LTBR: variants seen among roughly 807,000 people sequenced by gnomAD.
LTBR encodes the protein tumor necrosis factor receptor superfamily member 3.
LTBR carries 15 observed loss-of-function variants against 45.4 expected under a neutral mutation model. The ratio of observed to expected loss-of-function variants is 0.33; its 90% CI spans 0.22 to 0.51. The LOEUF is 0.51. Ranked by LOEUF, LTBR falls within the 20% of genes least tolerant of loss-of-function variation. The probability of loss-of-function intolerance (pLI) is 0.97; values close to 1 mark genes in which losing one functional copy is unlikely to be tolerated. For missense variants in LTBR, 450 were observed against 565.5 expected (o/e 0.80, Z 2.07); for synonymous variants, 228 against 231.0 (o/e 0.99, Z 0.12).
At chr12:6,377,385 T>A in intron 1 of LTBR, 1 of 896,018 alleles carries the variant, frequency 1.1e-6, no homozygotes, top group Non-Finnish European at 1.7e-6. Context: ...AGCAGAGCTA[T>A]AAACAGAATT....
At chr12:6,380,794 C>A (rs1007834483), upstream of LTBR, among the ~76,000 whole-genome samples, 8 of 152,168 alleles carry the variant, frequency 5.3e-5, no homozygotes, top group African/African-American at 1.7e-4. Flanking sequence ...CTCAGCAGCT[C>A]CTTCGGAAGA....
In LTBR at chr12:6,388,483, C is replaced by T; in HGVS notation, c.753C>T (p.His251=). The change falls in exon 7 of 10, where the codon CAC becomes CAT. Residue 251 remains histidine (H), a synonymous_variant. Transcript: ENST00000228918. The surrounding 1 kb of genome is among the most constrained non-coding windows in gnomAD (Gnocchi z 4.3). The part of the protein sequence containing the change: ...ATVFSCIWKS[H]PSLCRKLGSL... ...TCTTCTCCTGCATCTGGAAGAGCCA[C>T]CCTTCTCTCTGCAGGAAACTGGGTA... 6.2e-7 allele frequency: 1 copy of T among 1,614,076 alleles called. No individual in the cohort carries two copies. Among genetic ancestry groups the T allele is most frequent in the Non-Finnish European group, 8.5e-7 (1 of 1,180,002 alleles).
Position 6,388,011 on chromosome 12 carries a change from T to C in LTBR, c.668-387T>C. Reference sequence around the variant, plus strand: ...GCTCTAGCCTGTGTCTGTTTACAACTCCAAGTCCCACCCTTCCCTACTGTC... The same window carrying C: ...GCTCTAGCCTGTGTCTGTTTACAACCCCAAGTCCCACCCTTCCCTACTGTC... On this transcript the variant is annotated intron_variant, in intron 6 of 9. Transcript: ENST00000228918. The surrounding 1 kb of genome is among the most constrained non-coding windows in gnomAD (Gnocchi z 4.3). 2.8e-6 allele frequency: 1 copy of C among 356,680 alleles called. No homozygotes were observed. Among genetic ancestry groups the C allele is most frequent in the East Asian group, 7.5e-5 (1 of 13,302 alleles). 22.1% of individuals were successfully genotyped at this position (356,680 alleles called of 1,614,324 possible). A position where few individuals can be genotyped will look rare whatever the true frequency, so the allele number is the denominator to read the frequency against.
At chr12:6,376,169 C>T in intron 1 of LTBR, 3 of 985,854 alleles carry the variant, frequency 3.0e-6, no homozygotes, top group Non-Finnish European at 3.6e-6. Flanking sequence ...GGTCTCCTCC[C>T]CGCTCACTAA....
At chr12:6,384,981 G>C (rs751825363) in intron 2 of LTBR, 41 bp from the exon 3 acceptor site, 1 of 1,612,928 alleles carries the variant, frequency 6.2e-7, no homozygotes, top group Non-Finnish European at 8.5e-7. Flanking sequence ...TGAGGGTGGA[G>C]CCTCGTCTCC....
In LTBR at chr12:6,390,990, G is replaced by A. The variant is rs1949107730; in HGVS notation, c.*53G>A. On this transcript the variant is annotated 3_prime_UTR_variant, in exon 10 of 10. Coordinates refer to ENST00000228918, the MANE Select transcript of LTBR (RefSeq NM_002342.3). ...GGGGCACAAGGGCACCTTCTCCCTT[G>A]AGGCTGCCCTGCCCACGTGGGATTC... 4 of 1,483,372 alleles carry A rather than the reference G, an allele frequency of 2.7e-6. No individual in the cohort carries two copies. The highest frequency in any genetic ancestry group is 3.6e-6 in the Non-Finnish European group (4 of 1,116,760). 91.9% of individuals were successfully genotyped at this position (1,483,372 alleles called of 1,614,324 possible).
intron 8 of LTBR, chr12:6,389,132 G>A (rs1425411081): frequency 9.3e-6 from 3 of 324,068 alleles, no homozygotes; most frequent in African/African-American, 2.1e-5. Flanking sequence ...GGCAAAGGAT[G>A]GGGGTATTTT....
chr12:6,375,536 C>T lies in LTBR; in HGVS notation c.-20C>T, dbSNP rs770758109. The T allele has an allele frequency of 4.8e-5, 73 of 1,535,228 alleles. No individual in the cohort carries two copies. The African/African-American group carries it at 5.6e-4, about 12-fold the overall frequency. The stretch of plus-strand genomic sequence containing the variant: ...GGTGCAGCGGCCTGGCTGGGGAGCC[C>T]GCCCGCTGGCCGGCCAGGGATGGAA... On this transcript the variant is annotated 5_prime_UTR_variant, in exon 1 of 10. Coordinates refer to the LTBR transcript ENST00000539925.
upstream of LTBR, among the ~76,000 whole-genome samples, chr12:6,381,396 A>G (rs972353785): frequency 1.3e-5 from 2 of 152,220 alleles, no homozygotes; most frequent in Non-Finnish European, 2.9e-5. Context: ...CACTCCTCCC[A>G]TCCCACCTCC....
upstream of LTBR, among the ~76,000 whole-genome samples, chr12:6,382,115 C>G (rs1388987841): frequency 6.6e-6 from 1 of 151,934 alleles, no homozygotes; most frequent in Non-Finnish European, 1.5e-5. Flanking sequence ...TATGTTACAC[C>G]TCTATTAAAA....
At position 6,385,105 on chromosome 12, in the gene LTBR, A is replaced by C; in HGVS notation, c.277A>C (p.Asn93His). The change falls in exon 3 of 10, where the codon AAC (asparagine) becomes CAC (histidine). Residue 93 changes from asparagine to histidine, a missense_variant. Physicochemically the swap from Asn to His is moderately conservative, Grantham distance 68. Around this residue, in one of 3 missense-constraint regions of LTBR, gnomAD observed 367 missense variants for 435.4 expected, o/e 0.84. Coordinates refer to ENST00000228918, the MANE Select transcript of LTBR (RefSeq NM_002342.3). ...CGAGAATTCCTACAACGAGCACTGG[A>C]ACTACCTGACCATCTGCCAGCTGTG... ...CAENSYNEHW[N>H]YLTICQLCRP... 6.2e-7 allele frequency: 1 copy of C among 1,614,212 alleles called. No homozygotes were observed. The highest frequency in any genetic ancestry group is 8.5e-7 in the Non-Finnish European group (1 of 1,180,040).
upstream of LTBR, among the ~76,000 whole-genome samples, chr12:6,380,096 TGCA>T (rs562065705): frequency 1.3e-3 from 193 of 152,330 alleles, 1 homozygote; most frequent in African/African-American, 4.5e-3. Context: ...TACAATCCTG[TGCA>T]GGATGTTCAG....
At chr12:6,390,607 C>G (rs1050622599) in intron 9 of LTBR, 53 bp from the exon 10 acceptor site, 1 of 1,480,388 alleles carries the variant, frequency 6.8e-7, no homozygotes, top group Non-Finnish European at 9.0e-7. Context: ...CAAGAAGCAG[C>G]GGGCCTGAAC....
In LTBR at chr12:6,385,046, G is replaced by A; in HGVS notation, c.218G>A (p.Ser73Asn). The part of the protein sequence containing the change: ...PPGTYVSAKC[S>N]RIRDTVCATC... Reference sequence around the variant, plus strand: ...GGCACCTATGTCTCAGCTAAATGTAGCCGCATCCGGGACACAGTTTGTGCC... The same window carrying A: ...GGCACCTATGTCTCAGCTAAATGTAACCGCATCCGGGACACAGTTTGTGCC... Residue 73 changes from serine (S) to asparagine (N), a missense_variant, in exon 3 of 10, where the codon AGC becomes AAC. Ser to Asn is a conservative substitution (Grantham distance 46). Transcript: ENST00000228918. 6.2e-7 allele frequency: 1 copy of A among 1,614,206 alleles called. No homozygotes were observed. The highest frequency in any genetic ancestry group is 8.5e-7 in the Non-Finnish European group (1 of 1,180,036).
chr12:6,378,913 T>G (rs1351031273), intron 1 of LTBR, among the ~76,000 whole-genome samples: 2 of 151,648 alleles, frequency 1.3e-5, no homozygotes, highest in African/African-American at 4.8e-5. Context: ...CCCTGTGGTG[T>G]GGCCATAAAA....
At chr12:6,377,658 G>A in intron 1 of LTBR, 1 of 1,305,186 alleles carries the variant, frequency 7.7e-7, no homozygotes, top group Non-Finnish European at 1.0e-6. Flanking sequence ...CCTTGAGCCA[G>A]GTCCTTACAT....
At chr12:6,384,772 A>G (rs569062982) in intron 2 of LTBR, 88 bp downstream of exon 2, 2 of 1,302,276 alleles carry the variant, frequency 1.5e-6, no homozygotes, top group East Asian at 2.3e-5. Flanking sequence ...GAAGGTGGGC[A>G]CTGTCCCCCA....
In LTBR at chr12:6,391,041, A is replaced by G; in HGVS notation, c.*104A>G. ...ACAGGGGCCTGAGTAGGGCCCGGGGAAGCAGAGCCCTAAGGGATTAAGGCT... is the reference window on the plus strand; with the variant it reads ...ACAGGGGCCTGAGTAGGGCCCGGGGGAGCAGAGCCCTAAGGGATTAAGGCT... On this transcript the variant is annotated 3_prime_UTR_variant, in exon 10 of 10. Transcript: ENST00000228918. 1 of 1,234,580 alleles carries G rather than the reference A, an allele frequency of 8.1e-7. No homozygotes were observed. The highest frequency in any genetic ancestry group is 2.6e-5 in the East Asian group (1 of 38,356). The allele number at this position is 1,234,580 out of a possible 1,614,324, so 76.5% of individuals were successfully genotyped here.
At chr12:6,376,096 A>T in intron 1 of LTBR, 1 of 988,978 alleles carries the variant, frequency 1.0e-6, no homozygotes, top group Non-Finnish European at 1.2e-6. Flanking sequence ...GCAGCCCTCC[A>T]AGGGCACCCA....
Sources: gnomAD v4.1 joint callset for allele counts (sites outside exome capture counted in the v4.1 genomes callset) on GRCh38, gnomAD v4.1.1 for gene constraint, gnomAD v4.1.1 regional missense constraint, Gnocchi (gnomAD v3.1) non-coding constraint, MANE v1.5 for transcripts, NCBI Gene and HGNC (gene_info 2026-07-23, HGNC 2026-07-21) for gene names.